RIMS2: variants seen among roughly 807,000 people sequenced by gnomAD.
RIMS2 encodes the protein regulating synaptic membrane exocytosis 2, also known as regulating synaptic membrane exocytosis protein 2.
Under a neutral mutation model 174.4 loss-of-function variants are expected in RIMS2, and 59 were observed. That is an observed-to-expected ratio of 0.34 (90% CI 0.27 to 0.42). The LOEUF is 0.42. Ranked by LOEUF, RIMS2 falls within the 10% of genes least tolerant of loss-of-function variation. RIMS2 has a pLI of 1.00. For synonymous variants in RIMS2, 606 were observed against 572.5 expected (o/e 1.06, Z -0.84); for missense variants, 1,620 against 1,666.3 (o/e 0.97, Z 0.48).
In RIMS2 at chr8:103,766,466, C is replaced by T. The variant is rs371903927; in HGVS notation, c.627C>T (p.Leu209=). The T allele has an allele frequency of 1.2e-4, 198 of 1,613,816 alleles. No homozygotes were observed. The African/African-American group carries it at 2.4e-3, about 20-fold the overall frequency. Residue 209 remains leucine, a synonymous_variant, in exon 3 of 24, where the codon CTC becomes CTT. Transcript: ENST00000504942. ...TGGAGAAAAGTCGATCTCATGGGCTCACAAGACAGCATTCTATTAAAAATG... is the reference window on the plus strand; with the variant it reads ...TGGAGAAAAGTCGATCTCATGGGCTTACAAGACAGCATTCTATTAAAAATG...
chr8:104,129,885 G>A (rs921637547), intron 19 of RIMS2, among the ~76,000 whole-genome samples: 1 of 152,158 alleles, frequency 6.6e-6, no homozygotes, highest in Non-Finnish European at 1.5e-5. Context: ...CAGATAATAT[G>A]TGTTAATTGG....
exon 4 of RIMS2, chr8:103,886,030 G>C: frequency 6.2e-7 from 1 of 1,612,982 alleles, no homozygotes; most frequent in Non-Finnish European, 8.5e-7. Context: ...TGGAAACAAT[G>C]TTAAGGAATG....
chr8:103,606,889 G>A (rs962188480), intron 1 of RIMS2, among the ~76,000 whole-genome samples: 9 of 151,514 alleles, frequency 5.9e-5, no homozygotes. Flanking sequence ...TTGAGCCTAT[G>A]TGTGTCTCTG....
intron 19 of RIMS2, among the ~76,000 whole-genome samples, chr8:104,213,197 A>G (rs1211893299): frequency 5.9e-5 from 9 of 152,124 alleles, no homozygotes; most frequent in Non-Finnish European, 1.3e-4. Context: ...CTATAATCTC[A>G]GCTACTCAGG....
At chr8:103,546,365 C>A (rs952078560) in intron 1 of RIMS2, among the ~76,000 whole-genome samples, 1 of 152,140 alleles carries the variant, frequency 6.6e-6, no homozygotes, top group Non-Finnish European at 1.5e-5. Flanking sequence ...AAAACAGGAG[C>A]ACCCAGACTC....
chr8:104,152,606 A>G (rs1332480976), intron 19 of RIMS2, among the ~76,000 whole-genome samples: 1 of 152,070 alleles, frequency 6.6e-6, no homozygotes, highest in Non-Finnish European at 1.5e-5. Flanking sequence ...GTATTTGAGC[A>G]TATGATCTAG....
At chr8:103,991,637 T>C (rs1386881366) in intron 17 of RIMS2, among the ~76,000 whole-genome samples, 1 of 152,138 alleles carries the variant, frequency 6.6e-6, no homozygotes, top group Non-Finnish European at 1.5e-5. Flanking sequence ...TTTGAGATAA[T>C]AATAGTAATT....
chr8:104,185,470 C>T (rs1390840955), intron 19 of RIMS2, among the ~76,000 whole-genome samples: 1 of 151,412 alleles, frequency 6.6e-6, no homozygotes, highest in Admixed American at 6.6e-5. Flanking sequence ...TGACAAGAGG[C>T]GCTAATGCAA....
At chr8:103,629,741 A>G (rs2095867374) in intron 1 of RIMS2, among the ~76,000 whole-genome samples, 1 of 152,180 alleles carries the variant, frequency 6.6e-6, no homozygotes, top group Admixed American at 6.5e-5. Flanking sequence ...TTTAGAAGTA[A>G]AAAATGCAAT....
rs79546743 is a variant in RIMS2, at chr8:104,076,413, G to C, written c.3334+61798G>C. On this transcript the variant is annotated intron_variant, in intron 19 of 23. Coordinates refer to ENST00000504942, the Ensembl canonical transcript of RIMS2. Reference sequence around the variant, plus strand: ...TAAAAGTAACTAAAAATTTCTGTATGTGTTTGTATAATTTCTTCCTTTATG... The same window carrying C: ...TAAAAGTAACTAAAAATTTCTGTATCTGTTTGTATAATTTCTTCCTTTATG... Among the ~76,000 whole-genome samples, 1,193 of 152,208 alleles carry C rather than the reference G, an allele frequency of 7.8e-3. 27 individuals carry two copies. The highest frequency in any genetic ancestry group is 0.027 in the African/African-American group (1,128 of 41,534).
Position 103,918,408 on chromosome 8 carries a change from TTCTG to T in RIMS2, c.2037-29_2037-26del, listed in dbSNP as rs558439438. 157 of 1,418,270 alleles carry T rather than the reference TTCTG, an allele frequency of 1.1e-4. 2 individuals carry two copies. Among genetic ancestry groups the T allele is most frequent in the Admixed American group, 5.1e-4 (24 of 46,712 alleles). The allele number at this position is 1,418,270 out of a possible 1,614,324, so 87.9% of individuals were successfully genotyped here. On this transcript the variant is annotated intron_variant, in intron 8 of 23. Transcript: ENST00000504942. ...GAGTTGCATTAATTGTTGAAACAGT[TTCTG>T]TCTTTCTTTTTTTTTTTAATCATTT...
At chr8:103,882,322 A>G (rs1223028413) in intron 3 of RIMS2, among the ~76,000 whole-genome samples, 1 of 151,694 alleles carries the variant, frequency 6.6e-6, no homozygotes, top group South Asian at 2.1e-4. Flanking sequence ...GAAGTTTAAA[A>G]TTTAAAGGAC....
At chr8:103,748,032 A>G (rs2097843319) in intron 2 of RIMS2, among the ~76,000 whole-genome samples, 1 of 152,138 alleles carries the variant, frequency 6.6e-6, no homozygotes, top group Non-Finnish European at 1.5e-5. Context: ...TTAGCAGTAC[A>G]GGAGAAAGAA....
chr8:103,953,392 C>T (rs1309361610), intron 14 of RIMS2, among the ~76,000 whole-genome samples: 1 of 152,196 alleles, frequency 6.6e-6, no homozygotes, highest in Non-Finnish European at 1.5e-5. Flanking sequence ...ATCAGAGTAA[C>T]AGTGGCTATC....
intron 3 of RIMS2, among the ~76,000 whole-genome samples, chr8:103,789,500 C>G (rs1415856917): frequency 1.3e-5 from 2 of 152,104 alleles, no homozygotes; most frequent in Admixed American, 6.5e-5. Flanking sequence ...AATCACCTCA[C>G]TTTGTCATAT....
At chr8:103,903,392 T>A (rs1467423504) in intron 4 of RIMS2, among the ~76,000 whole-genome samples, 1 of 152,180 alleles carries the variant, frequency 6.6e-6, no homozygotes, top group Non-Finnish European at 1.5e-5. Flanking sequence ...TGTGATTTAA[T>A]TTTTAAGTAT....
chr8:104,093,475 G>C (rs375929179), intron 19 of RIMS2: 47 of 1,593,596 alleles, frequency 2.9e-5, no homozygotes, highest in Non-Finnish European at 3.8e-5. Context: ...TAACAGTATC[G>C]ATCAGGATGG....
chr8:103,840,110 T>G (rs2098930702), intron 3 of RIMS2, among the ~76,000 whole-genome samples: 1 of 152,208 alleles, frequency 6.6e-6, no homozygotes, highest in Non-Finnish European at 1.5e-5. Flanking sequence ...TTTCATATTC[T>G]GCCCAGTTTT....
intron 4 of RIMS2, among the ~76,000 whole-genome samples, chr8:103,909,559 T>C (rs2075230023): frequency 6.6e-6 from 1 of 152,184 alleles, no homozygotes; most frequent in African/African-American, 2.4e-5. Context: ...ATAATTTTCA[T>C]ACAAATTAAT....
Sources: allele counts gnomAD v4.1 joint callset (sites outside exome capture counted in the v4.1 genomes callset), GRCh38; gene constraint gnomAD v4.1.1; transcripts MANE v1.5; gene names NCBI Gene and HGNC (gene_info 2026-07-23, HGNC 2026-07-21).